CPXM2: variants seen among roughly 807,000 people sequenced by gnomAD.
CPXM2 encodes inactive carboxypeptidase-like protein X2.
In CPXM2, 66 loss-of-function variants were observed where a neutral mutation model predicts 86.1. That is an observed-to-expected ratio of 0.77 (90% CI 0.63 to 0.94). The LOEUF is 0.94. CPXM2 is among the 40% of genes least tolerant of loss of function. CPXM2 has a pLI of 0.00. For missense variants in CPXM2, 948 were observed against 1,026.3 expected (o/e 0.92, Z 1.04); for synonymous variants, 388 against 400.2 (o/e 0.97, Z 0.36).
At chr10:123,757,485 T>C in intron 11 of CPXM2, 133 bp from the exon 12 acceptor site, 2 of 741,218 alleles carry the variant, frequency 2.7e-6, no homozygotes, top group Non-Finnish European at 4.6e-6. Context: ...ATGAAGTATC[T>C]ACTATAGACA....
intron 2 of CPXM2, among the ~76,000 whole-genome samples, chr10:123,902,738 T>A (rs544025419): frequency 7.9e-5 from 12 of 152,146 alleles, no homozygotes; most frequent in Non-Finnish European, 1.6e-4. Flanking sequence ...CCATCTAATA[T>A]CATTGCCTTG....
chr10:123,925,293 G>A (rs972525859), intron 2 of CPXM2, among the ~76,000 whole-genome samples: 7 of 152,114 alleles, frequency 4.6e-5, no homozygotes, highest in African/African-American at 1.7e-4. Context: ...AGGCTTGAAA[G>A]CTTGCTCAGT....
At chr10:123,788,895 G>T in intron 6 of CPXM2, among the ~76,000 whole-genome samples, 1 of 110,122 alleles carries the variant, frequency 9.1e-6, no homozygotes, top group East Asian at 2.8e-4. Flanking sequence ...AAAAAAAAAA[G>T]AAAGGATCCC....
chr10:123,894,818 C>T (rs1229760776), upstream of CPXM2, among the ~76,000 whole-genome samples: 1 of 152,200 alleles, frequency 6.6e-6, no homozygotes, highest in African/African-American at 2.4e-5. Flanking sequence ...CACTGCCCAT[C>T]ACTCAGCCCA....
chr10:123,816,650 C>T (rs1847819968), intron 4 of CPXM2, among the ~76,000 whole-genome samples: 1 of 152,220 alleles, frequency 6.6e-6, no homozygotes, highest in South Asian at 2.1e-4. Flanking sequence ...CTCCTGGCAA[C>T]TGGTATGCAG....
At position 123,751,519 on chromosome 10, in the gene CPXM2, G is replaced by A. The variant is rs185897720; in HGVS notation, c.2017+3144C>T. On this transcript the variant is annotated intron_variant, in intron 13 of 13. Transcript: ENST00000241305. The stretch of plus-strand genomic sequence containing the variant: ...TACGTGGGCAGAAGGGGCAACTCAG[G>A]CCCAAAGAATGTCCACACAGGAGCA... 1.1e-5 allele frequency: 11 copies of A among 985,240 alleles called. No individual in the cohort carries two copies. In the East Asian group the frequency reaches 1.1e-3, roughly 102 times the overall value. 61.0% of individuals were successfully genotyped at this position (985,240 alleles called of 1,614,324 possible).
At chr10:123,806,227 AATG>A (rs1847575777) in intron 4 of CPXM2, among the ~76,000 whole-genome samples, 1 of 152,014 alleles carries the variant, frequency 6.6e-6, no homozygotes, top group Non-Finnish European at 1.5e-5. Context: ...ATCATTTTTG[AATG>A]ATATTTTTGT....
At chr10:123,912,435 G>A (rs1376660542) in intron 2 of CPXM2, among the ~76,000 whole-genome samples, 2 of 152,192 alleles carry the variant, frequency 1.3e-5, no homozygotes, top group African/African-American at 2.4e-5. Flanking sequence ...ACATGAGAGA[G>A]GCAGCAGAGG....
At chr10:123,800,706 T>C (rs1331806456) in intron 4 of CPXM2, among the ~76,000 whole-genome samples, 1 of 146,232 alleles carries the variant, frequency 6.8e-6, no homozygotes, top group Non-Finnish European at 1.5e-5. Context: ...AAGAGAAAAA[T>C]AAAAAGAAGT....
chr10:123,799,341 T>C (rs1349796931), intron 4 of CPXM2, 142 bp from the exon 5 acceptor site: 1 of 853,968 alleles, frequency 1.2e-6, no homozygotes. Context: ...TACAGCTCTG[T>C]GACCTCAGTC....
intron 6 of CPXM2, among the ~76,000 whole-genome samples, chr10:123,785,929 A>G (rs1226862265): frequency 6.6e-6 from 1 of 152,170 alleles, no homozygotes; most frequent in Non-Finnish European, 1.5e-5. Context: ...CACCGCGCCC[A>G]GCCCACTTTA....
chr10:123,803,792 T>A (rs1432632536), intron 4 of CPXM2, among the ~76,000 whole-genome samples: 1 of 151,764 alleles, frequency 6.6e-6, no homozygotes, highest in Non-Finnish European at 1.5e-5. Context: ...TTCCTAAGTA[T>A]CTGGGACTAC....
Position 123,862,605 on chromosome 10 carries a change from G to C in CPXM2, c.513+9C>G. ...CAGTCAAAATCCTTCCAACCACAGG[G>C]CCAGGTACCTGGATGTTGAGTCTCC... On this transcript the variant is annotated intron_variant, in intron 3 of 13. Coordinates refer to ENST00000241305, the MANE Select transcript of CPXM2 (RefSeq NM_198148.3). 1 of 1,609,112 alleles carries C rather than the reference G, an allele frequency of 6.2e-7. No homozygotes were observed. The highest frequency in any genetic ancestry group is 8.5e-7 in the Non-Finnish European group (1 of 1,175,438).
At chr10:123,810,627 AAT>A (rs1847669944) in intron 4 of CPXM2, among the ~76,000 whole-genome samples, 1 of 152,124 alleles carries the variant, frequency 6.6e-6, no homozygotes, top group Non-Finnish European at 1.5e-5. Flanking sequence ...TTACAAATAA[AAT>A]AAAGATGTGC....
intron 1 of CPXM2, among the ~76,000 whole-genome samples, chr10:123,881,441 G>C (rs1338408420): frequency 6.6e-6 from 1 of 151,834 alleles, no homozygotes; most frequent in Non-Finnish European, 1.5e-5. Context: ...GATGCACAAG[G>C]TGTATTGAGG....
chr10:123,749,091 C>T (rs77269456), intron 13 of CPXM2, among the ~76,000 whole-genome samples: 1,839 of 152,268 alleles, frequency 0.012, 13 homozygotes, highest in Non-Finnish European at 0.015. Context: ...CAGCATGTGG[C>T]TTACTGGCCT....
At chr10:123,929,303 C>A (rs560445235) in intron 2 of CPXM2, among the ~76,000 whole-genome samples, 19 of 152,152 alleles carry the variant, frequency 1.2e-4, no homozygotes, top group Non-Finnish European at 2.5e-4. Context: ...AGACCCCGGG[C>A]CCATGGGAGG....
intron 1 of CPXM2, chr10:123,887,183 T>C (rs1945190792): frequency 6.6e-6 from 1 of 152,184 alleles, no homozygotes; most frequent in Non-Finnish European, 1.5e-5. Flanking sequence ...AGTCCATCCA[T>C]GGAAGCCTGT....
intron 2 of CPXM2, among the ~76,000 whole-genome samples, chr10:123,878,505 AC>A: frequency 1.1e-5 from 1 of 88,454 alleles, no homozygotes; most frequent in South Asian, 4.5e-4. Context: ...GCAAATTCAG[AC>A]GTGTGTGTGT....
Sources: gnomAD v4.1 joint callset for allele counts (sites outside exome capture counted in the v4.1 genomes callset) on GRCh38, gnomAD v4.1.1 for gene constraint, MANE v1.5 for transcripts, NCBI Gene and HGNC (gene_info 2026-07-23, HGNC 2026-07-21) for gene names.